VPS13B: variants seen among roughly 807,000 people sequenced by gnomAD.
VPS13B encodes the protein intermembrane lipid transfer protein VPS13B.
In VPS13B, 285 loss-of-function variants were observed where a neutral mutation model predicts 426.4. That is an observed-to-expected ratio of 0.67 (90% CI 0.61 to 0.74). The LOEUF is 0.74. Among genes scored for constraint, VPS13B ranks in the 30% least tolerant of loss-of-function variants. The probability of loss-of-function intolerance (pLI) is 0.00; values close to 1 mark genes in which losing one functional copy is unlikely to be tolerated. For synonymous variants in VPS13B, 1,676 were observed against 1,676.4 expected, an observed-to-expected ratio of 1.00 and a Z score of 0.01; for missense variants, 4,537 against 4,782.6, an observed-to-expected ratio of 0.95 and a Z score of 1.51.
intron 3 of VPS13B, among the ~76,000 whole-genome samples, chr8:99,067,880 T>A (rs1403920152): frequency 6.6e-6 from 1 of 152,166 alleles, no homozygotes; most frequent in African/African-American, 2.4e-5. Context: ...ACTCTCGGAG[T>A]TCGTTGTTTT....
At chr8:99,147,819 T>A (rs1036979699) in intron 13 of VPS13B, 22 bp from the exon 14 acceptor site, 2 of 1,394,022 alleles carry the variant, frequency 1.4e-6, no homozygotes, top group Non-Finnish European at 1.9e-6. Context: ...TCTTTATTAA[T>A]TTTTTATCAT....
chr8:99,242,049 C>T (rs1286237601), intron 17 of VPS13B, among the ~76,000 whole-genome samples: 2 of 151,960 alleles, frequency 1.3e-5, no homozygotes, highest in East Asian at 1.9e-4. Flanking sequence ...GGCGTGGTCT[C>T]GGCTCACTGC....
At chr8:99,569,447 GAA>G (rs372498776) in intron 31 of VPS13B, among the ~76,000 whole-genome samples, 2 of 135,084 alleles carry the variant, frequency 1.5e-5, no homozygotes. Flanking sequence ...ACACAAAAGG[GAA>G]AAAAAAAAAA....
Position 99,487,109 on chromosome 8 carries a change from A to G in VPS13B, c.3870+5307A>G, listed in dbSNP as rs1300775048. Among the ~76,000 whole-genome samples the G allele has an allele frequency of 2.9e-5, 4 of 138,972 alleles. No homozygotes were observed. In the South Asian group the frequency reaches 9.1e-4, roughly 31 times the overall value. 91.2% of individuals were successfully genotyped at this position (138,972 alleles called of 152,430 possible). On this transcript the variant is annotated intron_variant, in intron 25 of 61. Coordinates refer to ENST00000357162, the MANE Select transcript of VPS13B (RefSeq NM_152564.5). Reference sequence around the variant, plus strand: ...CTGTTTCTCATTGACCGAAACCAAGAAAAAAAAAAAAAAAACAGAGGACCA... The same window carrying G: ...CTGTTTCTCATTGACCGAAACCAAGGAAAAAAAAAAAAAAACAGAGGACCA...
chr8:99,570,300 G>C (rs1004721474), intron 31 of VPS13B, among the ~76,000 whole-genome samples: 1 of 151,622 alleles, frequency 6.6e-6, no homozygotes, highest in Non-Finnish European at 1.5e-5. Flanking sequence ...CTTTCTTTCT[G>C]TTCTCTCATT....
intron 3 of VPS13B, among the ~76,000 whole-genome samples, chr8:99,076,776 C>T (rs1845149104): frequency 6.6e-6 from 1 of 151,986 alleles, no homozygotes; most frequent in South Asian, 2.1e-4. Context: ...TTATAGGCAG[C>T]ATACAGTTTG....
intron 23 of VPS13B, among the ~76,000 whole-genome samples, chr8:99,445,338 G>A (rs903421123): frequency 1.3e-4 from 19 of 149,824 alleles, no homozygotes; most frequent in African/African-American, 4.6e-4. Flanking sequence ...GGTGGCTTGA[G>A]CCTATAGTCC....
At chr8:99,781,510 T>C (rs1812020370) in intron 42 of VPS13B, among the ~76,000 whole-genome samples, 1 of 152,212 alleles carries the variant, frequency 6.6e-6, no homozygotes, top group Non-Finnish European at 1.5e-5. Flanking sequence ...AACTTTTTAA[T>C]ATTACAACAG....
At chr8:99,740,975 A>G (rs2130472258) in intron 39 of VPS13B, among the ~76,000 whole-genome samples, 1 of 152,336 alleles carries the variant, frequency 6.6e-6, no homozygotes, top group East Asian at 1.9e-4. Flanking sequence ...ACATAACAAT[A>G]TTAACCTTAA....
chr8:99,383,828 T>C (rs770841410), intron 19 of VPS13B, among the ~76,000 whole-genome samples: 10 of 152,252 alleles, frequency 6.6e-5, no homozygotes, highest in Non-Finnish European at 1.3e-4. Flanking sequence ...ACTTTTCCAT[T>C]GTTTGGAAAT....
intron 23 of VPS13B, among the ~76,000 whole-genome samples, chr8:99,447,282 TA>T (rs1417151941): frequency 6.6e-6 from 1 of 152,154 alleles, no homozygotes; most frequent in Non-Finnish European, 1.5e-5. Context: ...ACTTAGATAA[TA>T]AAAATTTAAG....
intron 39 of VPS13B, among the ~76,000 whole-genome samples, chr8:99,740,640 C>T (rs1809660842): frequency 6.6e-6 from 1 of 152,218 alleles, no homozygotes. Context: ...AGAAACTCTA[C>T]ATGCCAGAAG....
intron 14 of VPS13B, among the ~76,000 whole-genome samples, chr8:99,150,881 T>G (rs1811040524): frequency 6.6e-6 from 1 of 152,208 alleles, no homozygotes; most frequent in Admixed American, 6.5e-5. Context: ...TGTTTTCAAC[T>G]CCTTTGGGTA....
chr8:99,193,244 G>T (rs558793553), intron 17 of VPS13B, among the ~76,000 whole-genome samples, 187 bp downstream of exon 17: 2 of 152,070 alleles, frequency 1.3e-5, no homozygotes, highest in African/African-American at 4.8e-5. Context: ...TTATTTCCTC[G>T]TACCTATTTC....
intron 21 of VPS13B, among the ~76,000 whole-genome samples, chr8:99,418,455 TTTTCTTTCTTTCTTTCTTTCTTTCTTTC>T (rs59187307): frequency 1.2e-4 from 15 of 122,748 alleles, no homozygotes; most frequent in South Asian, 1.1e-3. Context: ...TTTATCATAG[TTTTCTTTCTTTCTTTCTTTCTTTCTTTC>T]TTTCTTTCTT....
rs569869263 is a variant in VPS13B, at chr8:99,155,264, A to C, written c.2014-1285A>C. The stretch of plus-strand genomic sequence containing the variant: ...TAAAGAAAGCCACTTCATAATGATA[A>C]AAGTGTGAACTGAAAGAAAGAACAA... On this transcript the variant is annotated intron_variant, in intron 14 of 61. Transcript: ENST00000357162. Among the ~76,000 whole-genome samples, 10 of 152,358 alleles carry C rather than the reference A, an allele frequency of 6.6e-5. No individual in the cohort carries two copies. In the East Asian group the frequency reaches 1.2e-3, roughly 18 times the overall value.
At chr8:99,565,755 T>G (rs1156292902) in intron 31 of VPS13B, among the ~76,000 whole-genome samples, 1 of 152,146 alleles carries the variant, frequency 6.6e-6, no homozygotes, top group East Asian at 1.9e-4. Flanking sequence ...TTTCTTTGTT[T>G]TAAATTTTCA....
intron 19 of VPS13B, among the ~76,000 whole-genome samples, chr8:99,323,479 A>G (rs374613681): frequency 6.6e-6 from 1 of 152,240 alleles, no homozygotes; most frequent in Admixed American, 6.5e-5. Flanking sequence ...AAACAGGCTT[A>G]GGCAATATAT....
intron 30 of VPS13B, 80 bp downstream of exon 30, chr8:99,521,090 C>G: frequency 8.8e-7 from 1 of 1,131,876 alleles, no homozygotes; most frequent in African/African-American, 1.5e-5. Flanking sequence ...CTTAGTGTGG[C>G]CTGTAGAAAT....
Sources: gnomAD v4.1 joint callset for allele counts (sites outside exome capture counted in the v4.1 genomes callset) on GRCh38, gnomAD v4.1.1 for gene constraint, MANE v1.5 for transcripts, NCBI Gene and HGNC (gene_info 2026-07-23, HGNC 2026-07-21) for gene names.